The following ADCY2 variants were observed in gnomAD, a reference collection of about 807,000 sequenced individuals.
ADCY2 encodes the protein adenylate cyclase 2.
Under a neutral mutation model 125.2 loss-of-function variants are expected in ADCY2, and 31 were observed. The ratio of observed to expected loss-of-function variants is 0.25; its 90% CI spans 0.19 to 0.33. The LOEUF is 0.33. ADCY2 is among the 10% of genes least tolerant of loss of function. ADCY2 has a pLI of 1.00. For missense variants in ADCY2, 904 were observed against 1,418.2 expected (o/e 0.64, Z 5.82); for synonymous variants, 512 against 548.4 (o/e 0.93, Z 0.93).
intron 10 of ADCY2, among the ~76,000 whole-genome samples, chr5:7,711,163 AG>A (rs1741427979): frequency 1.3e-5 from 2 of 152,210 alleles, no homozygotes; most frequent in Admixed American, 1.3e-4. Context: ...ATCAGGTTGT[AG>A]ATGACATTTG....
intron 16 of ADCY2, among the ~76,000 whole-genome samples, chr5:7,759,802 A>T (rs1250055330): frequency 6.6e-6 from 1 of 151,956 alleles, no homozygotes; most frequent in Admixed American, 6.5e-5. Flanking sequence ...CTCCAGAAAG[A>T]TAGAAACGCC....
At chr5:7,506,866 C>A (rs575222920) in intron 2 of ADCY2, among the ~76,000 whole-genome samples, 8 of 136,940 alleles carry the variant, frequency 5.8e-5, no homozygotes, top group African/African-American at 1.9e-4. Context: ...CGGCTCACTG[C>A]AAGCCCCGCC....
At position 7,804,566 on chromosome 5, in the gene ADCY2, G is replaced by A. The variant is rs760502200; in HGVS notation, c.2776-19G>A. 16 of 1,594,306 alleles carry A rather than the reference G, an allele frequency of 1.0e-5. No homozygotes were observed. Among genetic ancestry groups the A allele is most frequent in the African/African-American group, 2.7e-5 (2 of 74,590 alleles). ...TCAGCATCCAGCTGAGTAACTGGAC[G>A]GTTGTCATTGCTTCACAGCTTCTTT... On this transcript the variant is annotated intron_variant, in intron 21 of 24. Transcript: ENST00000338316.
Position 7,698,245 on chromosome 5 carries a change from A to G in ADCY2, c.982-2A>G. On this transcript the variant is annotated splice_acceptor_variant, in intron 6 of 24. Coordinates refer to ENST00000338316, the MANE Select transcript of ADCY2 (RefSeq NM_020546.3). LOFTEE classifies it high-confidence loss of function. ...CTGAAATTCTGTAATTTATTCTTCC[A>G]GGAGAATGAATGCATGAGAATTAAA... 6.2e-7 allele frequency: 1 copy of G among 1,613,886 alleles called. No homozygotes were observed.
chr5:7,740,267 A>G (rs1742370857), intron 14 of ADCY2, among the ~76,000 whole-genome samples: 1 of 152,066 alleles, frequency 6.6e-6, no homozygotes. Flanking sequence ...TAAAAAAAAG[A>G]TTTTTATTAT....
chr5:7,717,572 A>G (rs1213434090), intron 12 of ADCY2, among the ~76,000 whole-genome samples: 1 of 152,222 alleles, frequency 6.6e-6, no homozygotes, highest in Non-Finnish European at 1.5e-5. Context: ...ATTTTAGCAT[A>G]TGATACTATC....
At chr5:7,815,616 C>G (rs1366178229) in intron 22 of ADCY2, among the ~76,000 whole-genome samples, 1 of 152,132 alleles carries the variant, frequency 6.6e-6, no homozygotes, top group Non-Finnish European at 1.5e-5. Flanking sequence ...ATAGTAAGTG[C>G]TACAAATTCA....
chr5:7,826,459 A>C (rs541163040), intron 24 of ADCY2: 217 of 552,212 alleles, frequency 3.9e-4, no homozygotes, highest in African/African-American at 3.8e-3. Flanking sequence ...TGATAGCATC[A>C]TGGTAGCACC....
intron 2 of ADCY2, among the ~76,000 whole-genome samples, chr5:7,477,043 G>A (rs1240427612): frequency 1.3e-5 from 2 of 152,148 alleles, no homozygotes; most frequent in South Asian, 2.1e-4. Flanking sequence ...TTAGCTCTGC[G>A]AATACGTTCT....
chr5:7,624,153 T>C (rs750185894), intron 3 of ADCY2, among the ~76,000 whole-genome samples: 6 of 152,204 alleles, frequency 3.9e-5, no homozygotes, highest in South Asian at 2.1e-4. Context: ...CATCATTCTT[T>C]TAATTTCTAA....
At position 7,462,740 on chromosome 5, in the gene ADCY2, A is replaced by G. The variant is rs140800613; in HGVS notation, c.408+47970A>G. Reference sequence around the variant, plus strand: ...AGTTCTTTTTCAGTGTCAGGTGCTCATTCGTGGTGTAAATAACAATTCTGT... The same window carrying G: ...AGTTCTTTTTCAGTGTCAGGTGCTCGTTCGTGGTGTAAATAACAATTCTGT... On this transcript the variant is annotated intron_variant, in intron 2 of 24. Coordinates refer to ENST00000338316, the MANE Select transcript of ADCY2 (RefSeq NM_020546.3). 4.3e-3 allele frequency among the ~76,000 whole-genome samples: 653 copies of G among 152,368 alleles called. 6 individuals are homozygous for G. Among genetic ancestry groups the G allele is most frequent in the African/African-American group, 0.015 (618 of 41,582 alleles).
chr5:7,763,268 T>G (rs1215190274), intron 16 of ADCY2, among the ~76,000 whole-genome samples: 1 of 151,936 alleles, frequency 6.6e-6, no homozygotes, highest in Non-Finnish European at 1.5e-5. Context: ...TTTTTTGTAT[T>G]TTTTAGTAGA....
Position 7,709,145 on chromosome 5 carries a change from G to C in ADCY2, c.1402-66G>C, listed in dbSNP as rs976612503. On this transcript the variant is annotated intron_variant, in intron 9 of 24. Coordinates refer to ENST00000338316, the MANE Select transcript of ADCY2 (RefSeq NM_020546.3). This position sits in a 1 kb window ranked among gnomAD's most constrained non-coding sequence, Gnocchi z 4.4. ...GGAATGACCCTAGTCCAATGAGGTC[G>C]ATGCCAAAAGGATCATGTGTGGCCC... The C allele has an allele frequency of 6.9e-7, 1 of 1,447,970 alleles. No individual in the cohort carries two copies. Among genetic ancestry groups the C allele is most frequent in the African/African-American group, 1.4e-5 (1 of 69,606 alleles). 89.7% of individuals were successfully genotyped at this position (1,447,970 alleles called of 1,614,324 possible). A position where few individuals can be genotyped will look rare whatever the true frequency, so the allele number is the denominator to read the frequency against.
chr5:7,553,934 T>C (rs1235748108), intron 3 of ADCY2, among the ~76,000 whole-genome samples: 2 of 152,086 alleles, frequency 1.3e-5, no homozygotes, highest in South Asian at 4.2e-4. Flanking sequence ...ATAGCAAACA[T>C]GTTAAGGTTA....
At position 7,775,330 on chromosome 5, in the gene ADCY2, C is replaced by G. The variant is rs563774394; in HGVS notation, c.2384+2229C>G. Among the ~76,000 whole-genome samples, 292 of 152,240 alleles carry G rather than the reference C, an allele frequency of 1.9e-3. 3 individuals carry two copies. The highest frequency in any genetic ancestry group is 6.9e-3 in the African/African-American group (285 of 41,536). On this transcript the variant is annotated intron_variant, in intron 18 of 24. Transcript: ENST00000338316. ...TTCTGGCCTCAAGTGATCCACCCAC[C>G]TCAGCCTCCCAAAGTGTTGAGATTA...
intron 22 of ADCY2, among the ~76,000 whole-genome samples, chr5:7,816,589 T>C (rs1745119520): frequency 6.6e-6 from 1 of 152,222 alleles, no homozygotes; most frequent in South Asian, 2.1e-4. Context: ...ACTAATACGA[T>C]ACAGGTTCCC....
intron 2 of ADCY2, among the ~76,000 whole-genome samples, chr5:7,477,257 T>C (rs913853744): frequency 6.6e-6 from 1 of 152,176 alleles, no homozygotes; most frequent in African/African-American, 2.4e-5. Context: ...ACAGAAAATA[T>C]TGAATTTTTA....
intron 11 of ADCY2, 51 bp from the exon 12 acceptor site, chr5:7,717,106 A>G: frequency 7.7e-7 from 1 of 1,297,512 alleles, no homozygotes; most frequent in Non-Finnish European, 1.1e-6. Context: ...TTGGCTTAAT[A>G]TTTATTTTAC....
At chr5:7,437,999 C>T (rs1740870795) in intron 2 of ADCY2, among the ~76,000 whole-genome samples, 1 of 152,210 alleles carries the variant, frequency 6.6e-6, no homozygotes, top group Admixed American at 6.5e-5. Context: ...CAATGATCAT[C>T]TTGATAAGAA....
Sources: gnomAD v4.1 joint callset for allele counts (sites outside exome capture counted in the v4.1 genomes callset) on GRCh38, gnomAD v4.1.1 for gene constraint, Gnocchi (gnomAD v3.1) non-coding constraint, MANE v1.5 for transcripts, NCBI Gene and HGNC (gene_info 2026-07-23, HGNC 2026-07-21) for gene names.